UBE2G1: variants seen among roughly 807,000 people sequenced by gnomAD.
UBE2G1 encodes ubiquitin-conjugating enzyme E2 G1.
A neutral mutation model predicts 22.7 loss-of-function variants in UBE2G1; 5 were observed. The ratio of observed to expected loss-of-function variants is 0.22; its 90% confidence interval spans 0.12 to 0.46. The LOEUF (loss-of-function observed/expected upper bound fraction) is 0.46, where lower values mean the gene tolerates loss of function less well. Among genes scored for constraint, UBE2G1 ranks in the 20% least tolerant of loss-of-function variants. The probability of loss-of-function intolerance (pLI) is 0.99; values close to 1 mark genes in which losing one functional copy is unlikely to be tolerated. For missense variants in UBE2G1, 88 were observed against 203.9 expected (o/e 0.43, Z 3.46); for synonymous variants, 74 against 67.5 (o/e 1.10, Z -0.47).
chr17:4,304,282 C>A (rs1159831531), intron 2 of UBE2G1, among the ~76,000 whole-genome samples: 2 of 152,116 alleles, frequency 1.3e-5, no homozygotes, highest in African/African-American at 4.8e-5. Context: ...AGACGTGAGC[C>A]ACTGTATCCA....
At chr17:4,317,570 T>C (rs1969389861) in intron 1 of UBE2G1, among the ~76,000 whole-genome samples, 1 of 152,118 alleles carries the variant, frequency 6.6e-6, no homozygotes, top group Admixed American at 6.5e-5. Flanking sequence ...TTACTGTGCT[T>C]CAAAAACATA....
intron 1 of UBE2G1, among the ~76,000 whole-genome samples, chr17:4,317,257 G>A (rs1340811122): frequency 6.6e-6 from 1 of 152,212 alleles, no homozygotes; most frequent in Non-Finnish European, 1.5e-5. Flanking sequence ...GGCTGAGGCA[G>A]GAGAATCGCT....
intron 3 of UBE2G1, among the ~76,000 whole-genome samples, chr17:4,294,833 G>T (rs1969089502): frequency 1.3e-5 from 2 of 152,140 alleles, no homozygotes; most frequent in Non-Finnish European, 2.9e-5. Flanking sequence ...AGCCCAGGAG[G>T]TCAAGGCTGC....
intron 1 of UBE2G1, among the ~76,000 whole-genome samples, chr17:4,359,818 C>A (rs570728048): frequency 8.1e-5 from 12 of 148,870 alleles, no homozygotes; most frequent in African/African-American, 3.0e-4. Context: ...CGCCACTATA[C>A]TCCAGCCTGG....
At chr17:4,342,585 AAAAAG>A (rs1373980647) in intron 1 of UBE2G1, among the ~76,000 whole-genome samples, 1 of 152,210 alleles carries the variant, frequency 6.6e-6, no homozygotes, top group South Asian at 2.1e-4. Flanking sequence ...TGCCTCAAAG[AAAAAG>A]AAAAGAATTC....
intron 1 of UBE2G1, among the ~76,000 whole-genome samples, chr17:4,356,374 A>C (rs1969906602): frequency 6.6e-6 from 1 of 152,148 alleles, no homozygotes; most frequent in South Asian, 2.1e-4. Flanking sequence ...AAATTAAATA[A>C]ATAAATAAAT....
intron 1 of UBE2G1, among the ~76,000 whole-genome samples, chr17:4,329,808 A>C (rs776088966): frequency 1.5e-5 from 2 of 137,588 alleles, no homozygotes; most frequent in African/African-American, 3.0e-5. Context: ...CATTGCCATT[A>C]GGCTTTTTTA....
intron 1 of UBE2G1, among the ~76,000 whole-genome samples, chr17:4,365,984 C>A (rs547396766): frequency 3.3e-5 from 5 of 152,128 alleles, no homozygotes; most frequent in South Asian, 2.1e-4. Flanking sequence ...GCCCCTCCCC[C>A]GCAACGTCCT....
chr17:4,315,537 G>C (rs1345776209), intron 1 of UBE2G1, among the ~76,000 whole-genome samples: 2 of 151,706 alleles, frequency 1.3e-5, no homozygotes, highest in Non-Finnish European at 2.9e-5. Flanking sequence ...TCAGGAGATG[G>C]AGACCATCTT....
intron 1 of UBE2G1, among the ~76,000 whole-genome samples, chr17:4,317,149 A>C (rs903744675): frequency 5.9e-5 from 9 of 152,098 alleles, no homozygotes; most frequent in Admixed American, 5.9e-4. Flanking sequence ...CAGGAGTTTA[A>C]GACAAGCCTG....
intron 1 of UBE2G1, 74 bp from the exon 2 acceptor site, chr17:4,307,197 G>C: frequency 1.6e-6 from 2 of 1,259,048 alleles, no homozygotes; most frequent in Non-Finnish European, 2.3e-6. Flanking sequence ...TACAGAACTT[G>C]AGCGTACATG....
chr17:4,311,969 GGGCAC>G (rs1261729792), intron 1 of UBE2G1, among the ~76,000 whole-genome samples: 2 of 152,140 alleles, frequency 1.3e-5, no homozygotes, highest in Admixed American at 1.3e-4. Context: ...GAAATCTACT[GGGCAC>G]GGTGGCTCCC....
intron 5 of UBE2G1, among the ~76,000 whole-genome samples, chr17:4,278,751 A>C (rs1160780655): frequency 6.6e-6 from 1 of 152,210 alleles, no homozygotes; most frequent in Non-Finnish European, 1.5e-5. Context: ...AATAGGAATA[A>C]TTTTTAGACT....
chr17:4,281,168 A>G (rs979066996), intron 5 of UBE2G1, among the ~76,000 whole-genome samples: 5 of 152,202 alleles, frequency 3.3e-5, no homozygotes, highest in Non-Finnish European at 7.3e-5. Flanking sequence ...AATAACTGCA[A>G]TGAGAATAAG....
At chr17:4,284,159 A>AT (rs924206697) in intron 4 of UBE2G1, among the ~76,000 whole-genome samples, 5 of 34,162 alleles carry the variant, frequency 1.5e-4, no homozygotes, top group African/African-American at 2.3e-4. Flanking sequence ...TCCGTCTCTC[A>AT]AAAAAAAAAA....
intron 5 of UBE2G1, among the ~76,000 whole-genome samples, chr17:4,280,878 CCGCCTCGGCCTCCCAAA>C (rs1968880488): frequency 6.6e-6 from 1 of 152,098 alleles, no homozygotes; most frequent in African/African-American, 2.4e-5. Context: ...TGTGATCCAC[CCGCCTCGGCCTCCCAAA>C]GTGCTGGGAT....
At chr17:4,321,207 A>G (rs1410843672) in intron 1 of UBE2G1, among the ~76,000 whole-genome samples, 3 of 152,228 alleles carry the variant, frequency 2.0e-5, no homozygotes, top group African/African-American at 7.2e-5. Flanking sequence ...CTGTGGAAGT[A>G]TATCTAGAAT....
intron 1 of UBE2G1, among the ~76,000 whole-genome samples, chr17:4,328,440 G>A (rs902959945): frequency 1.2e-4 from 19 of 152,196 alleles, no homozygotes; most frequent in Non-Finnish European, 1.5e-5. Flanking sequence ...GTAAATGTCA[G>A]ATAACTTAAA....
At chr17:4,278,579 G>A (rs1011029584) in intron 5 of UBE2G1, among the ~76,000 whole-genome samples, 6 of 152,202 alleles carry the variant, frequency 3.9e-5, no homozygotes, top group African/African-American at 1.4e-4. Flanking sequence ...ATATCAGACA[G>A]ATGAGTGAAA....
Sources: gnomAD v4.1 joint callset for allele counts (sites outside exome capture counted in the v4.1 genomes callset) on GRCh38, gnomAD v4.1.1 for gene constraint, MANE v1.5 for transcripts, NCBI Gene and HGNC (gene_info 2026-07-23, HGNC 2026-07-21) for gene names.